The following MAGI2 variants were observed in gnomAD, a reference collection of about 807,000 sequenced individuals.
MAGI2 encodes membrane associated guanylate kinase, WW and PDZ domain containing 2, also known as membrane-associated guanylate kinase, WW and PDZ domain-containing protein 2.
MAGI2 carries 35 observed loss-of-function variants against 133.3 expected under a neutral mutation model. That is an observed-to-expected ratio of 0.26 (90% CI 0.20 to 0.35). MAGI2 has a LOEUF of 0.35. Ranked by LOEUF, MAGI2 falls within the 10% of genes least tolerant of loss-of-function variation. The pLI, the probability that MAGI2 is intolerant of heterozygous loss-of-function variation, is 1.00. For missense variants in MAGI2, 1,636 were observed against 1,863.4 expected (o/e 0.88, Z 2.25); for synonymous variants, 729 against 710.6 (o/e 1.03, Z -0.41).
At chr7:78,594,777 A>G (rs1048777327) in intron 3 of MAGI2, among the ~76,000 whole-genome samples, 5 of 152,050 alleles carry the variant, frequency 3.3e-5, no homozygotes, top group African/African-American at 1.2e-4. Flanking sequence ...TCTTAAAAGG[A>G]CCTGTTTAGG....
In MAGI2 at chr7:78,923,401, T is replaced by A. The variant is rs1174036086; in HGVS notation, c.418+83689A>T. On this transcript the variant is annotated intron_variant, in intron 2 of 21. Coordinates refer to ENST00000354212, the MANE Select transcript of MAGI2 (RefSeq NM_012301.4). ...TGTAAGGAAGGGATCCAGCTTCAGATTTCTACATATGGCTAGCCAGTTTTC... is the reference window on the plus strand; with the variant it reads ...TGTAAGGAAGGGATCCAGCTTCAGAATTCTACATATGGCTAGCCAGTTTTC... Among the ~76,000 whole-genome samples the A allele has an allele frequency of 2.0e-5, 3 of 152,236 alleles. No individual in the cohort carries two copies. The East Asian group carries it at 5.8e-4, about 29-fold the overall frequency.
Position 79,133,009 on chromosome 7 carries a change from TTGA to T in MAGI2, c.302-125806_302-125804del, listed in dbSNP as rs560711191. On this transcript the variant is annotated intron_variant, in intron 1 of 21. Coordinates refer to ENST00000354212, the MANE Select transcript of MAGI2 (RefSeq NM_012301.4). ...TTTTTGATGGGATATTTGTTTTTTC[TTGA>T]TGATTCACTGGAGTTCCTTGTAGAT... Among the ~76,000 whole-genome samples the T allele has an allele frequency of 1.1e-4, 17 of 152,232 alleles. No homozygotes were observed. In the East Asian group the frequency reaches 3.3e-3, roughly 29 times the overall value.
intron 3 of MAGI2, among the ~76,000 whole-genome samples, chr7:78,556,798 T>A (rs556517066): frequency 6.6e-6 from 1 of 152,112 alleles, no homozygotes; most frequent in African/African-American, 2.4e-5. Flanking sequence ...TAAAGAATTG[T>A]GGGTTTGCCG....
At chr7:79,234,570 T>C (rs1379271845) in intron 1 of MAGI2, among the ~76,000 whole-genome samples, 2 of 152,142 alleles carry the variant, frequency 1.3e-5, no homozygotes, top group Admixed American at 1.3e-4. Context: ...ACACCCTTTC[T>C]TCCAGTTGAT....
intron 3 of MAGI2, among the ~76,000 whole-genome samples, chr7:78,573,075 A>G (rs1471856743): frequency 1.0e-5 from 1 of 98,358 alleles, no homozygotes; most frequent in Admixed American, 1.3e-4. Flanking sequence ...ATATATATAT[A>G]TACACACACA....
chr7:78,026,696 CTT>C (rs1808952325), intron 21 of MAGI2, among the ~76,000 whole-genome samples: 1 of 152,088 alleles, frequency 6.6e-6, no homozygotes, highest in Admixed American at 6.5e-5. Flanking sequence ...GGGAAAGAGA[CTT>C]TGTCAGCTGT....
At chr7:79,311,783 A>G (rs1338538602) in intron 1 of MAGI2, among the ~76,000 whole-genome samples, 1 of 152,156 alleles carries the variant, frequency 6.6e-6, no homozygotes, top group Non-Finnish European at 1.5e-5. Flanking sequence ...TCTCTTCTCT[A>G]CTAATGTACA....
chr7:79,057,696 G>A (rs1813278803), intron 1 of MAGI2, among the ~76,000 whole-genome samples: 1 of 152,050 alleles, frequency 6.6e-6, no homozygotes, highest in African/African-American at 2.4e-5. Flanking sequence ...TTAATGCTTA[G>A]TACCTCCTCT....
rs569610734 is a variant in MAGI2 at position 78,064,843 on chromosome 7, T to G, written c.3706+14104A>C. 3.9e-5 allele frequency among the ~76,000 whole-genome samples: 6 copies of G among 152,294 alleles called. No homozygotes were observed. The East Asian group carries it at 7.7e-4, about 20-fold the overall frequency. On this transcript the variant is annotated intron_variant, in intron 21 of 21. Coordinates refer to ENST00000354212, the MANE Select transcript of MAGI2 (RefSeq NM_012301.4). ...CATGGTTGCAAGGCTATCATCTACA[T>G]TCTGATTTTTTAAAAAATTATGGGT...
intron 2 of MAGI2, among the ~76,000 whole-genome samples, chr7:78,854,960 A>G (rs989667050): frequency 6.6e-6 from 1 of 151,820 alleles, no homozygotes; most frequent in Non-Finnish European, 1.5e-5. Flanking sequence ...AATTCAAGCA[A>G]TTCTACCTTA....
At chr7:78,547,183 C>T (rs1798917607) in intron 3 of MAGI2, among the ~76,000 whole-genome samples, 1 of 152,102 alleles carries the variant, frequency 6.6e-6, no homozygotes, top group African/African-American at 2.4e-5. Context: ...AGATAAAGAC[C>T]CCAAACACTT....
In MAGI2 at chr7:78,529,668, G is replaced by GTTTTTTTTTTTTTTTTTTT. The variant is rs554010061; in HGVS notation, c.539-8042_539-8024dup. Among the ~76,000 whole-genome samples the GTTTTTTTTTTTTTTTTTTT allele has an allele frequency of 2.0e-3, 116 of 57,420 alleles. 28 individuals carry two copies. Among genetic ancestry groups the GTTTTTTTTTTTTTTTTTTT allele is most frequent in the Middle Eastern group, 0.014 (1 of 70 alleles). The allele number at this position is 57,420 out of a possible 152,430, so 37.7% of individuals were successfully genotyped here. A position where few individuals can be genotyped will look rare whatever the true frequency, so the allele number is the denominator to read the frequency against. On this transcript the variant is annotated intron_variant, in intron 3 of 21. Coordinates refer to ENST00000354212, the MANE Select transcript of MAGI2 (RefSeq NM_012301.4). Reference sequence around the variant, plus strand: ...TTTCTTTTCCTTGCTAAAGGAGATGGTTTTTTTTTTTTTTTTTTTTTTTTT... The same window carrying GTTTTTTTTTTTTTTTTTTT: ...TTTCTTTTCCTTGCTAAAGGAGATGGTTTTTTTTTTTTTTTTTTTTTTTTTTTTTTTTTTTTTTTTTTTT...
chr7:79,088,241 G>C (rs1816709069), intron 1 of MAGI2, among the ~76,000 whole-genome samples: 1 of 152,062 alleles, frequency 6.6e-6, no homozygotes, highest in Non-Finnish European at 1.5e-5. Flanking sequence ...CTTGTAAGTT[G>C]TATTCCTAGG....
intron 1 of MAGI2, among the ~76,000 whole-genome samples, chr7:79,194,191 A>G (rs1345811384): frequency 1.3e-5 from 2 of 151,986 alleles, no homozygotes; most frequent in Non-Finnish European, 1.5e-5. Flanking sequence ...TTCTGGTTTT[A>G]CTGATTCATC....
chr7:78,918,825 T>C (rs1412095996), intron 2 of MAGI2, among the ~76,000 whole-genome samples: 1 of 152,016 alleles, frequency 6.6e-6, no homozygotes, highest in Non-Finnish European at 1.5e-5. Flanking sequence ...AGTTTAAACA[T>C]CATATATATA....
At chr7:78,483,148 C>T (rs1584341488) in intron 6 of MAGI2, among the ~76,000 whole-genome samples, 3 of 151,754 alleles carry the variant, frequency 2.0e-5, no homozygotes, top group South Asian at 4.2e-4. Flanking sequence ...CTAAAACCTT[C>T]CTGTAAATTC....
At chr7:78,434,487 G>A (rs936296615) in intron 6 of MAGI2, among the ~76,000 whole-genome samples, 5 of 152,142 alleles carry the variant, frequency 3.3e-5, no homozygotes, top group Non-Finnish European at 5.9e-5. Context: ...TCCCCCTGGT[G>A]AGGGAAAAAG....
intron 1 of MAGI2, among the ~76,000 whole-genome samples, chr7:79,011,720 C>G (rs1305823089): frequency 1.3e-5 from 2 of 152,130 alleles, no homozygotes; most frequent in Non-Finnish European, 2.9e-5. Flanking sequence ...GCAAACTACT[C>G]TAATGTTCTA....
At chr7:78,268,099 A>G (rs915939344) in intron 9 of MAGI2, among the ~76,000 whole-genome samples, 3 of 151,976 alleles carry the variant, frequency 2.0e-5, no homozygotes, top group African/African-American at 4.8e-5. Context: ...TATACTTTCC[A>G]TTCCAGCAAA....
Sources: gnomAD v4.1 joint callset for allele counts (sites outside exome capture counted in the v4.1 genomes callset) on GRCh38, gnomAD v4.1.1 for gene constraint, MANE v1.5 for transcripts, NCBI Gene and HGNC (gene_info 2026-07-23, HGNC 2026-07-21) for gene names.